Variants in ARHGAP17 observed in about 807,000 individuals in gnomAD.
The protein encoded by ARHGAP17 is Rho GTPase activating protein 17, also known as rho GTPase-activating protein 17.
A neutral mutation model predicts 99.5 loss-of-function variants in ARHGAP17; 57 were observed. The observed-to-expected ratio is 0.57, with a 90% CI of 0.46 to 0.71. The LOEUF (loss-of-function observed/expected upper bound fraction) is 0.71. Ranked by LOEUF, ARHGAP17 falls within the 30% of genes least tolerant of loss-of-function variation. The pLI is 0.00. For missense variants in ARHGAP17, 1,000 were observed against 1,122.4 expected, an observed-to-expected ratio of 0.89 and a Z score of 1.56; for synonymous variants, 417 against 429.6, an observed-to-expected ratio of 0.97 and a Z score of 0.36.
chr16:24,939,429 A>T lies in ARHGAP17; in HGVS notation c.1659T>A (p.Ser553=), dbSNP rs764333043. The T allele has an allele frequency of 2.9e-5, 47 of 1,611,982 alleles. No individual in the cohort carries two copies. The highest frequency in any genetic ancestry group is 1.3e-4 in the Admixed American group (8 of 59,918). The part of the protein sequence containing the change: ...PPQSSRAESS[S]GGGTVPSSAG... ...CGGAAGAGGGGACAGTCCCACCCCCAGAGCTGCTTTCAGCCCTAGAGCTCT... is the reference window on the plus strand; with the variant it reads ...CGGAAGAGGGGACAGTCCCACCCCCTGAGCTGCTTTCAGCCCTAGAGCTCT... The change falls in exon 17 of 20, where the codon TCT becomes TCA. Residue 553 remains serine, a synonymous_variant. Transcript: ENST00000289968.
At chr16:25,003,038 C>CAAAAAAAA (rs1177218423) in intron 1 of ARHGAP17, among the ~76,000 whole-genome samples, 4 of 53,302 alleles carry the variant, frequency 7.5e-5, no homozygotes, top group Non-Finnish European at 1.1e-4. Flanking sequence ...GACTCCGTCT[C>CAAAAAAAA]AAAAAAAAAA....
At chr16:24,970,651 A>T in intron 3 of ARHGAP17, 71 bp from the exon 4 acceptor site, 1 of 1,416,728 alleles carries the variant, frequency 7.1e-7, no homozygotes, top group Non-Finnish European at 1.0e-6. Flanking sequence ...TTTTCAGATC[A>T]TCATTCATTA....
intron 19 of ARHGAP17, among the ~76,000 whole-genome samples, chr16:24,929,875 A>C (rs2050936563): frequency 2.0e-5 from 3 of 152,204 alleles, no homozygotes; most frequent in Admixed American, 2.0e-4. Context: ...AAAGTCACTC[A>C]ATATGGTTGG....
intron 1 of ARHGAP17, among the ~76,000 whole-genome samples, chr16:25,000,582 T>G (rs907116377): frequency 6.6e-6 from 1 of 152,108 alleles, no homozygotes; most frequent in Non-Finnish European, 1.5e-5. Flanking sequence ...GGGGGGTTAT[T>G]AAAACCTCTA....
chr16:24,937,593 C>T (rs145393180), intron 17 of ARHGAP17, among the ~76,000 whole-genome samples: 8 of 152,280 alleles, frequency 5.3e-5, no homozygotes, highest in African/African-American at 1.4e-4. Context: ...ATGAGGTGCA[C>T]GGGAAGCCCT....
Position 24,930,235 on chromosome 16 carries a change from A to C in ARHGAP17, c.2515+549T>G, listed in dbSNP as rs2050946314. Among the ~76,000 whole-genome samples the C allele has an allele frequency of 1.3e-5, 2 of 152,166 alleles. 1 individual carries two copies. Among genetic ancestry groups the C allele is most frequent in the South Asian group, 4.1e-4 (2 of 4,830 alleles). On this transcript the variant is annotated intron_variant, in intron 19 of 19. Coordinates refer to ENST00000289968, the MANE Select transcript of ARHGAP17 (RefSeq NM_001006634.3). ...CATTAGAACATGACAGTGCCCTGAG[A>C]TCTCCCTTCTGGAGCATTCAATTTG...
intron 14 of ARHGAP17, among the ~76,000 whole-genome samples, chr16:24,945,596 T>G (rs905174895): frequency 2.0e-5 from 3 of 152,168 alleles, no homozygotes; most frequent in African/African-American, 4.8e-5. Context: ...CTCCTATCAC[T>G]CTGACCTCTC....
In ARHGAP17 at chr16:24,919,832, T is replaced by C. The variant is rs1344489759; in HGVS notation, c.*298A>G. 2 of 240,232 alleles carry C rather than the reference T, an allele frequency of 8.3e-6. No homozygotes were observed. Among genetic ancestry groups the C allele is most frequent in the Middle Eastern group, 1.3e-3 (1 of 754 alleles). The allele number at this position is 240,232 out of a possible 1,614,324, so 14.9% of individuals were successfully genotyped here. A position where few individuals can be genotyped will look rare whatever the true frequency, so the allele number is the denominator to read the frequency against. On this transcript the variant is annotated 3_prime_UTR_variant, in exon 20 of 20. Transcript: ENST00000289968. ...TAACAGCAGGGACAAAAGCTTCCTA[T>C]GCGCGTTTCAGCAGGAATACTCTCT...
At chr16:24,992,468 T>G (rs1178609248) in intron 1 of ARHGAP17, among the ~76,000 whole-genome samples, 1 of 152,134 alleles carries the variant, frequency 6.6e-6, no homozygotes, top group Admixed American at 6.5e-5. Context: ...CCCGAGTAGC[T>G]GGGACTACAG....
At position 25,008,725 on chromosome 16, in the gene ARHGAP17, C is replaced by T. The variant is rs7203732; in HGVS notation, c.53+6484G>A. On this transcript the variant is annotated intron_variant, in intron 1 of 19. Transcript: ENST00000289968. ...TGCTACAAAGGCAATTCCATAATAG[C>T]GTAACATGCCGCTTACACATATAAA... 3.0e-3 allele frequency among the ~76,000 whole-genome samples: 450 copies of T among 152,270 alleles called. 3 individuals are homozygous for T. Among genetic ancestry groups the T allele is most frequent in the African/African-American group, 0.01 (435 of 41,546 alleles).
intron 1 of ARHGAP17, among the ~76,000 whole-genome samples, chr16:25,000,409 T>C (rs971244622): frequency 6.6e-6 from 1 of 152,178 alleles, no homozygotes; most frequent in African/African-American, 2.4e-5. Context: ...GCATGGGAAC[T>C]GTAACTAAGC....
At position 24,968,776 on chromosome 16, in the gene ARHGAP17, TA is replaced by T; in HGVS notation, c.273-5del. 1 of 1,614,042 alleles carries T rather than the reference TA, an allele frequency of 6.2e-7. No individual in the cohort carries two copies. The highest frequency in any genetic ancestry group is 8.5e-7 in the Non-Finnish European group (1 of 1,179,960). Reference sequence around the variant, plus strand: ...TCCACACGTCTCCAGCATCTTCCTTTAAAAACAAGACCCCCAACAACGAGCA... The same window carrying T: ...TCCACACGTCTCCAGCATCTTCCTTTAAAACAAGACCCCCAACAACGAGCA... On this transcript the variant is annotated splice_region_variant and splice_polypyrimidine_tract_variant and intron_variant, in intron 4 of 19. Coordinates refer to ENST00000289968, the MANE Select transcript of ARHGAP17 (RefSeq NM_001006634.3).
chr16:25,015,139 T>TTGC, intron 1 of ARHGAP17, 70 bp downstream of exon 1: 1 of 1,195,764 alleles, frequency 8.4e-7, no homozygotes, highest in African/African-American at 1.7e-5. Context: ...GGAGGAGCCG[T>TTGC]CCCGCCCCCG....
At chr16:24,960,781 C>T (rs973094182) in intron 7 of ARHGAP17, among the ~76,000 whole-genome samples, 27 of 148,946 alleles carry the variant, frequency 1.8e-4, no homozygotes, top group African/African-American at 6.6e-4. Flanking sequence ...TGTGCCACTG[C>T]ACTCCAGCCT....
rs144365698 is a variant in ARHGAP17 at position 24,954,832 on chromosome 16, G to A, written c.725-102C>T. The A allele has an allele frequency of 1.7e-5, 25 of 1,488,776 alleles. No individual in the cohort carries two copies. In the African/African-American group the frequency reaches 2.2e-4, roughly 13 times the overall value. The allele number at this position is 1,488,776 out of a possible 1,614,324, so 92.2% of individuals were successfully genotyped here. A position where few individuals can be genotyped will look rare whatever the true frequency, so the allele number is the denominator to read the frequency against. ...ATGGGCTTTTCTAGCCGACTGGTAG[G>A]TGAGGCTGTGCAAGAGGGGATACAT... On this transcript the variant is annotated intron_variant, in intron 9 of 19. Coordinates refer to ENST00000289968, the MANE Select transcript of ARHGAP17 (RefSeq NM_001006634.3).
chr16:24,973,941 C>T (rs2052441934), intron 3 of ARHGAP17, among the ~76,000 whole-genome samples: 1 of 152,150 alleles, frequency 6.6e-6, no homozygotes, highest in Non-Finnish European at 1.5e-5. Context: ...GTGGCTGGCA[C>T]AGGGTGTGAA....
At chr16:24,974,483 G>A (rs2052459046) in intron 3 of ARHGAP17, among the ~76,000 whole-genome samples, 1 of 152,064 alleles carries the variant, frequency 6.6e-6, no homozygotes, top group Admixed American at 6.6e-5. Flanking sequence ...CCCTCCAAAT[G>A]CCAGTGGTGC....
At chr16:24,960,597 C>T (rs1434727918) in intron 7 of ARHGAP17, among the ~76,000 whole-genome samples, 2 of 151,372 alleles carry the variant, frequency 1.3e-5, no homozygotes, top group African/African-American at 2.4e-5. Context: ...GTGGGCGGAT[C>T]ACAACGTCAG....
At chr16:24,969,258 A>T (rs2052287906) in intron 4 of ARHGAP17, among the ~76,000 whole-genome samples, 1 of 152,184 alleles carries the variant, frequency 6.6e-6, no homozygotes, top group African/African-American at 2.4e-5. Flanking sequence ...CATGCAGCTG[A>T]TATCATACAA....
Sources: gnomAD v4.1 joint callset for allele counts (sites outside exome capture counted in the v4.1 genomes callset) on GRCh38, gnomAD v4.1.1 for gene constraint, MANE v1.5 for transcripts, NCBI Gene and HGNC (gene_info 2026-07-23, HGNC 2026-07-21) for gene names.